The following SBNO1 variants were observed in gnomAD, a reference collection of about 807,000 sequenced individuals.
The protein encoded by SBNO1 is strawberry notch homolog 1.
Under a neutral mutation model 173.6 loss-of-function variants are expected in SBNO1, and 23 were observed. That is an observed-to-expected ratio of 0.13 (90% confidence interval 0.10 to 0.19). The LOEUF (loss-of-function observed/expected upper bound fraction) is 0.19, where lower values mean the gene tolerates loss of function less well. SBNO1 is among the 10% of genes least tolerant of loss of function. The pLI is 1.00. For synonymous variants in SBNO1, 632 were observed against 571.5 expected, an observed-to-expected ratio of 1.11 and a Z score of -1.51; for missense variants, 1,238 against 1,671.2, an observed-to-expected ratio of 0.74 and a Z score of 4.52.
intron 25 of SBNO1, 127 bp from the exon 26 acceptor site, chr12:123,309,983 C>A: frequency 1.4e-6 from 1 of 705,962 alleles, no homozygotes; most frequent in East Asian, 2.7e-5. Flanking sequence ...ACTGTCCTCA[C>A]AACAAGGCTG....
rs539635530 is a variant in SBNO1 at position 123,347,050 on chromosome 12, C to T, written c.237+979G>A. On this transcript the variant is annotated intron_variant, in intron 3 of 31. Transcript: ENST00000602398. ...CCGAGATGGTGCCACTGCACTCCAG[C>T]CTGGGCGACAAAGCGAGTCTCCGTC... Among the ~76,000 whole-genome samples, 16 of 146,150 alleles carry T rather than the reference C, an allele frequency of 1.1e-4. No individual in the cohort carries two copies. The South Asian group carries it at 3.3e-3, about 31-fold the overall frequency.
chr12:123,313,607 T>C lies in SBNO1; in HGVS notation c.3220+13A>G, dbSNP rs757361724. 5.4e-6 allele frequency: 7 copies of C among 1,302,438 alleles called. No individual in the cohort carries two copies. Among genetic ancestry groups the C allele is most frequent in the African/African-American group, 2.9e-5 (2 of 68,548 alleles). 80.7% of individuals were successfully genotyped at this position (1,302,438 alleles called of 1,614,324 possible). A position where few individuals can be genotyped will look rare whatever the true frequency, so the allele number is the denominator to read the frequency against. ...TAATCATTGTCATTGTTATGAATAT[T>C]TGTAGAAGTTACCTTTAAAAAATTC... On this transcript the variant is annotated intron_variant, in intron 24 of 31. Coordinates refer to ENST00000602398, the MANE Select transcript of SBNO1 (RefSeq NM_001167856.3).
At chr12:123,361,984 C>T (rs1229326382) in intron 1 of SBNO1, among the ~76,000 whole-genome samples, 2 of 149,956 alleles carry the variant, frequency 1.3e-5, no homozygotes. Flanking sequence ...ACTAAAAATA[C>T]GAAAATTAGC....
intron 26 of SBNO1, 43 bp downstream of exon 26, chr12:123,309,667 T>C: frequency 6.2e-7 from 1 of 1,603,906 alleles, no homozygotes; most frequent in South Asian, 1.1e-5. Context: ...CCACTCCACA[T>C]TTTCCCTGGG....
In SBNO1 at chr12:123,361,408, C is replaced by T. The variant is rs147607549; in HGVS notation, c.-1+3293G>A. Among the ~76,000 whole-genome samples the T allele has an allele frequency of 6.6e-5, 10 of 151,924 alleles. 1 individual carries two copies. The South Asian group carries it at 1.9e-3, about 28-fold the overall frequency. ...TACTAAAAATACAAAGTTAACCAGA[C>T]GTGGTGGCTCATGCTTGTAATCCCA... is the stretch of plus-strand genomic sequence containing the variant. On this transcript the variant is annotated intron_variant, in intron 1 of 31. Transcript: ENST00000602398.
intron 28 of SBNO1, among the ~76,000 whole-genome samples, chr12:123,308,388 T>C (rs1340321190): frequency 6.6e-6 from 1 of 151,982 alleles, no homozygotes; most frequent in Non-Finnish European, 1.5e-5. Context: ...AAGAAAATGT[T>C]GGCCAGGTGC....
chr12:123,313,793 C>T, intron 23 of SBNO1, 74 bp from the exon 24 acceptor site: 1 of 840,750 alleles, frequency 1.2e-6, no homozygotes, highest in Non-Finnish European at 1.9e-6. Flanking sequence ...CACCTAAATA[C>T]TATAAAAACT....
chr12:123,321,828 G>C (rs1870008091), intron 16 of SBNO1, 96 bp from the exon 17 acceptor site: 1 of 1,032,750 alleles, frequency 9.7e-7, no homozygotes, highest in South Asian at 1.5e-5. Context: ...CAAATGAAAA[G>C]TGCAGAGGAA....
At chr12:123,325,696 C>T in intron 14 of SBNO1, 97 bp from the exon 15 acceptor site, 4 of 800,432 alleles carry the variant, frequency 5.0e-6, no homozygotes, top group African/African-American at 1.7e-5. Context: ...AGATTTCAAA[C>T]AAGAATGTCC....
rs1027855440 is a variant in SBNO1, at chr12:123,290,335, T to A, written c.*5573A>T. 1 of 152,184 alleles carries A rather than the reference T, an allele frequency of 6.6e-6. No individual in the cohort carries two copies. Among genetic ancestry groups the A allele is most frequent in the Non-Finnish European group, 1.5e-5 (1 of 68,044 alleles). The allele number at this position is 152,184 out of a possible 1,614,324, so 9.4% of individuals were successfully genotyped here. On this transcript the variant is annotated 3_prime_UTR_variant, in exon 32 of 32. Coordinates refer to ENST00000602398, the MANE Select transcript of SBNO1 (RefSeq NM_001167856.3). ...TCACCAAGTCTACCAAGTTGAATAG[T>A]AATGAATGAAACTTGTACATGAATG...
At chr12:123,361,300 G>A (rs748938806) in intron 1 of SBNO1, among the ~76,000 whole-genome samples, 1 of 151,948 alleles carries the variant, frequency 6.6e-6, no homozygotes, top group African/African-American at 2.4e-5. Context: ...TGTAATCCCA[G>A]TACTTTGGGA....
intron 29 of SBNO1, among the ~76,000 whole-genome samples, chr12:123,303,661 A>T (rs1320365992): frequency 1.6e-5 from 2 of 128,648 alleles, no homozygotes; most frequent in Non-Finnish European, 3.0e-5. Flanking sequence ...AAGGCTGGTA[A>T]CATTAAGACT....
intron 23 of SBNO1, among the ~76,000 whole-genome samples, chr12:123,315,085 A>G (rs1869120443): frequency 6.6e-6 from 1 of 152,128 alleles, no homozygotes; most frequent in Non-Finnish European, 1.5e-5. Flanking sequence ...CTCTACACAT[A>G]AAAAACATGA....
chr12:123,289,199 G>A lies in SBNO1; in HGVS notation c.*6709C>T, dbSNP rs2048477034. ...GAAAAAAAAACTAAATACAGAATTTGTTACGCTTCACGGTTGATCGTTTTT... is the reference window on the plus strand; with the variant it reads ...GAAAAAAAAACTAAATACAGAATTTATTACGCTTCACGGTTGATCGTTTTT... On this transcript the variant is annotated 3_prime_UTR_variant, in exon 32 of 32. Transcript: ENST00000602398. 1 of 152,200 alleles carries A rather than the reference G, an allele frequency of 6.6e-6. No homozygotes were observed. The highest frequency in any genetic ancestry group is 2.4e-5 in the African/African-American group (1 of 41,434). The allele number at this position is 152,200 out of a possible 1,614,324, so 9.4% of individuals were successfully genotyped here.
intron 20 of SBNO1, among the ~76,000 whole-genome samples, chr12:123,318,721 G>C (rs1019353475): frequency 7.4e-6 from 1 of 136,052 alleles, no homozygotes; most frequent in Non-Finnish European, 1.6e-5. Context: ...CTGGGCAACA[G>C]AGTAAGACTC....
chr12:123,296,509 A>G (rs1034556816), intron 31 of SBNO1, among the ~76,000 whole-genome samples: 1 of 151,800 alleles, frequency 6.6e-6, no homozygotes, highest in Non-Finnish European at 1.5e-5. Context: ...TGCATGTAGG[A>G]TTGAAGGCTC....
chr12:123,353,467 T>G (rs1354886136), intron 1 of SBNO1, among the ~76,000 whole-genome samples: 1 of 152,058 alleles, frequency 6.6e-6, no homozygotes, highest in African/African-American at 2.4e-5. Flanking sequence ...AACGCCAGAT[T>G]GAGATTAAAA....
rs1047734708 is a variant in SBNO1 at position 123,328,591 on chromosome 12, C to G, written c.1296+143G>C. On this transcript the variant is annotated intron_variant, in intron 10 of 31. Coordinates refer to ENST00000602398, the MANE Select transcript of SBNO1 (RefSeq NM_001167856.3). ...ACAGGTAAAAAACCGAATCAACTTT[C>G]CAATCCCTTTGGACTCTAGGTAATC... 3 of 572,116 alleles carry G rather than the reference C, an allele frequency of 5.2e-6. No homozygotes were observed. The African/African-American group carries it at 5.8e-5, about 11-fold the overall frequency. The allele number at this position is 572,116 out of a possible 1,614,324, so 35.4% of individuals were successfully genotyped here.
In SBNO1 at chr12:123,291,290, CAG is replaced by C. The variant is rs1238715235; in HGVS notation, c.*4616_*4617del. ...AAGATTTTCCTATCAGGTGGGAAGA[CAG>C]AGATAAGAAATATGGTAAGGCCTGA... On this transcript the variant is annotated 3_prime_UTR_variant, in exon 32 of 32. Transcript: ENST00000602398. The C allele has an allele frequency of 2.6e-5, 4 of 152,094 alleles. No individual in the cohort carries two copies. The highest frequency in any genetic ancestry group is 9.7e-5 in the African/African-American group (4 of 41,414). The allele number at this position is 152,094 out of a possible 1,614,324, so 9.4% of individuals were successfully genotyped here. A position where few individuals can be genotyped will look rare whatever the true frequency, so the allele number is the denominator to read the frequency against.
Sources: gnomAD v4.1 joint callset for allele counts (sites outside exome capture counted in the v4.1 genomes callset) on GRCh38, gnomAD v4.1.1 for gene constraint, MANE v1.5 for transcripts, NCBI Gene and HGNC (gene_info 2026-07-23, HGNC 2026-07-21) for gene names.